The following B3GALT1 variants were observed in gnomAD, a reference collection of about 807,000 sequenced individuals.
B3GALT1 encodes the protein UDP-Gal:betaGlcNAc beta 1,3-galactosyltransferase, polypeptide 1.
B3GALT1 carries 10 observed loss-of-function variants against 23.2 expected under a neutral mutation model. That is an observed-to-expected ratio of 0.43 (90% CI 0.27 to 0.73). B3GALT1 has a LOEUF of 0.73. Ranked by LOEUF, B3GALT1 falls within the 30% of genes least tolerant of loss-of-function variation. The pLI is 0.21. For synonymous variants in B3GALT1, 156 were observed against 141.5 expected (o/e 1.10, Z -0.73); for missense variants, 299 against 405.4 (o/e 0.74, Z 2.25).
chr2:167,747,356 G>A (rs1284158600), intron 3 of B3GALT1, among the ~76,000 whole-genome samples: 1 of 152,174 alleles, frequency 6.6e-6, no homozygotes, highest in Non-Finnish European at 1.5e-5. Flanking sequence ...GCCAGAAAAT[G>A]CCTAAGCTGC....
chr2:167,369,284 C>T (rs1697642805), intron 1 of B3GALT1, among the ~76,000 whole-genome samples: 1 of 152,104 alleles, frequency 6.6e-6, no homozygotes, highest in Non-Finnish European at 1.5e-5. Flanking sequence ...TTGCCTCTTA[C>T]TATCTCCATA....
chr2:167,512,184 T>A (rs1700014731), intron 2 of B3GALT1, among the ~76,000 whole-genome samples: 1 of 152,022 alleles, frequency 6.6e-6, no homozygotes, highest in Non-Finnish European at 1.5e-5. Flanking sequence ...ATTTCCAACA[T>A]TAGCTGAAAA....
At chr2:167,560,440 G>A (rs372036459) in intron 2 of B3GALT1, among the ~76,000 whole-genome samples, 38 of 151,724 alleles carry the variant, frequency 2.5e-4, no homozygotes, top group African/African-American at 8.2e-4. Flanking sequence ...GACAGGATCA[G>A]ATTCACACAT....
chr2:167,363,436 C>G (rs1697530456), intron 1 of B3GALT1, among the ~76,000 whole-genome samples: 1 of 152,090 alleles, frequency 6.6e-6, no homozygotes, highest in African/African-American at 2.4e-5. Flanking sequence ...ATTGATCATA[C>G]ATTTTCTCAA....
chr2:167,453,529 G>A (rs1395151677), intron 1 of B3GALT1, among the ~76,000 whole-genome samples: 3 of 152,224 alleles, frequency 2.0e-5, no homozygotes, highest in African/African-American at 7.2e-5. Flanking sequence ...GCTGAAACAT[G>A]GTTGTTTAGA....
chr2:167,296,838 G>C (rs1696359046), intron 1 of B3GALT1, among the ~76,000 whole-genome samples: 1 of 152,060 alleles, frequency 6.6e-6, no homozygotes, highest in Admixed American at 6.5e-5. Context: ...GGGTGCAATA[G>C]ATCATAAAAA....
intron 3 of B3GALT1, among the ~76,000 whole-genome samples, chr2:167,663,936 C>A (rs1185142935): frequency 1.3e-5 from 2 of 151,044 alleles, no homozygotes; most frequent in African/African-American, 2.4e-5. Context: ...ATGGTAGTTT[C>A]TTTTGCTGTG....
chr2:167,400,850 A>G (rs1225625366), intron 1 of B3GALT1, among the ~76,000 whole-genome samples: 1 of 152,146 alleles, frequency 6.6e-6, no homozygotes, highest in Non-Finnish European at 1.5e-5. Flanking sequence ...AAAAGACTGC[A>G]TTCACAGACA....
intron 3 of B3GALT1, among the ~76,000 whole-genome samples, chr2:167,775,901 A>G (rs1396519339): frequency 6.6e-6 from 1 of 152,206 alleles, no homozygotes; most frequent in Non-Finnish European, 1.5e-5. Flanking sequence ...GTCAAAAGAC[A>G]CAACAGAGAC....
intron 4 of B3GALT1, among the ~76,000 whole-genome samples, chr2:167,818,998 T>A: frequency 6.6e-6 from 1 of 152,224 alleles, no homozygotes; most frequent in Non-Finnish European, 1.5e-5. Flanking sequence ...ATTTCTTTTT[T>A]AAAATTTTTA....
intron 3 of B3GALT1, among the ~76,000 whole-genome samples, chr2:167,692,321 A>C (rs1412429978): frequency 6.6e-6 from 1 of 152,114 alleles, no homozygotes; most frequent in African/African-American, 2.4e-5. Flanking sequence ...AAATTGAGTC[A>C]ATGAACCAAG....
At chr2:167,583,628 T>C (rs1389685304) in intron 2 of B3GALT1, among the ~76,000 whole-genome samples, 1 of 152,216 alleles carries the variant, frequency 6.6e-6, no homozygotes, top group African/African-American at 2.4e-5. Context: ...TATTTGAATG[T>C]CTTAAAACTT....
chr2:167,819,523 A>C (rs1689063201), intron 4 of B3GALT1, among the ~76,000 whole-genome samples: 1 of 152,240 alleles, frequency 6.6e-6, no homozygotes, highest in Admixed American at 6.5e-5. Context: ...TGATTCAGGG[A>C]AAGAAGCACC....
At chr2:167,457,282 C>T (rs1574087402) in intron 1 of B3GALT1, among the ~76,000 whole-genome samples, 1 of 152,026 alleles carries the variant, frequency 6.6e-6, no homozygotes, top group Admixed American at 6.6e-5. Flanking sequence ...AAACGATTCT[C>T]CTGCCTCAGC....
intron 2 of B3GALT1, among the ~76,000 whole-genome samples, chr2:167,611,930 C>A (rs887424883): frequency 6.6e-5 from 10 of 151,978 alleles, no homozygotes; most frequent in African/African-American, 2.4e-4. Flanking sequence ...CATATTTATT[C>A]TCCTATGGAA....
At chr2:167,406,601 T>A (rs1436091026) in intron 1 of B3GALT1, among the ~76,000 whole-genome samples, 5 of 152,144 alleles carry the variant, frequency 3.3e-5, no homozygotes, top group African/African-American at 1.2e-4. Context: ...CTTCTTGGGT[T>A]CCCAGCAGGA....
chr2:167,825,082 G>A (rs1240459728), intron 4 of B3GALT1, among the ~76,000 whole-genome samples: 5 of 151,910 alleles, frequency 3.3e-5, no homozygotes, highest in East Asian at 3.9e-4. Flanking sequence ...TCAGGAGATC[G>A]AGACCATCCT....
At chr2:167,813,574 T>A (rs559539892) in intron 3 of B3GALT1, among the ~76,000 whole-genome samples, 1 of 152,234 alleles carries the variant, frequency 6.6e-6, no homozygotes, top group Non-Finnish European at 1.5e-5. Flanking sequence ...TTGCAATTAC[T>A]ACATTGCCAG....
chr2:167,613,915 T>C (rs1685112737), intron 2 of B3GALT1, among the ~76,000 whole-genome samples: 1 of 151,810 alleles, frequency 6.6e-6, no homozygotes, highest in Non-Finnish European at 1.5e-5. Flanking sequence ...AAGGTTTTTT[T>C]CCCTTGACAT....
Sources: allele counts gnomAD v4.1 joint callset (sites outside exome capture counted in the v4.1 genomes callset), GRCh38; gene constraint gnomAD v4.1.1; transcripts MANE v1.5; gene names NCBI Gene and HGNC (gene_info 2026-07-23, HGNC 2026-07-21).